NXPH1: variants seen among roughly 807,000 people sequenced by gnomAD.
The protein encoded by NXPH1 is neurexophilin 1.
NXPH1 carries 5 observed loss-of-function variants against 23.7 expected under a neutral mutation model. The observed-to-expected ratio is 0.21, with a 90% CI of 0.11 to 0.44. The LOEUF (loss-of-function observed/expected upper bound fraction) is 0.44. NXPH1 is among the 20% of genes least tolerant of loss of function. The pLI, the probability that NXPH1 is intolerant of heterozygous loss-of-function variation, is 0.99. For synonymous variants in NXPH1, 144 were observed against 122.2 expected (o/e 1.18, Z -1.18); for missense variants, 324 against 321.6 (o/e 1.01, Z -0.06).
chr7:8,621,385 C>G (rs1478864595), intron 2 of NXPH1, among the ~76,000 whole-genome samples: 1 of 151,966 alleles, frequency 6.6e-6, no homozygotes, highest in Non-Finnish European at 1.5e-5. Flanking sequence ...TTAGGGTGAG[C>G]AACAGGATAG....
chr7:8,708,270 T>G (rs1779733687), intron 2 of NXPH1, among the ~76,000 whole-genome samples: 1 of 152,238 alleles, frequency 6.6e-6, no homozygotes, highest in Non-Finnish European at 1.5e-5. Flanking sequence ...CCTTTGCTTA[T>G]CTAGGTGTTC....
At chr7:8,605,093 A>G (rs957844273) in intron 2 of NXPH1, among the ~76,000 whole-genome samples, 3 of 152,146 alleles carry the variant, frequency 2.0e-5, no homozygotes, top group Non-Finnish European at 4.4e-5. Flanking sequence ...AATAACTTCA[A>G]GTGAATTCAT....
chr7:8,639,031 T>C (rs1051354940), intron 2 of NXPH1, among the ~76,000 whole-genome samples: 3 of 152,138 alleles, frequency 2.0e-5, no homozygotes, highest in Admixed American at 1.3e-4. Flanking sequence ...AAATGAAATG[T>C]ATAAAAAGTG....
chr7:8,484,668 T>C (rs952488542), intron 2 of NXPH1, among the ~76,000 whole-genome samples: 1 of 152,178 alleles, frequency 6.6e-6, no homozygotes, highest in African/African-American at 2.4e-5. Context: ...TAAAAAATGA[T>C]GAAAACTCAA....
chr7:8,594,364 T>C (rs1364417371), intron 2 of NXPH1, among the ~76,000 whole-genome samples: 1 of 152,064 alleles, frequency 6.6e-6, no homozygotes, highest in African/African-American at 2.4e-5. Flanking sequence ...TTGTTGACGA[T>C]GGTAAACAGC....
intron 2 of NXPH1, among the ~76,000 whole-genome samples, chr7:8,525,764 C>T (rs542225724): frequency 2.0e-5 from 3 of 152,302 alleles, no homozygotes; most frequent in Non-Finnish European, 4.4e-5. Context: ...CATGTGGGTG[C>T]ACAGAAGTCA....
intron 2 of NXPH1, among the ~76,000 whole-genome samples, chr7:8,747,550 A>T (rs1780491930): frequency 6.6e-6 from 1 of 152,224 alleles, no homozygotes; most frequent in Non-Finnish European, 1.5e-5. Context: ...GCTGAGATAT[A>T]AGCACTAAGC....
intron 2 of NXPH1, among the ~76,000 whole-genome samples, chr7:8,703,141 A>G (rs1327003785): frequency 6.6e-6 from 1 of 152,044 alleles, no homozygotes; most frequent in African/African-American, 2.4e-5. Context: ...GCCTTCCCCA[A>G]ATCAGCCTCA....
At position 8,482,345 on chromosome 7, in the gene NXPH1, A is replaced by G. The variant is rs1023684326; in HGVS notation, c.54+46578A>G. On this transcript the variant is annotated intron_variant, in intron 2 of 2. Transcript: ENST00000405863. ...TCCCTTTCTAACATCCATTTCCCACACAGTCAAGTCTCCTCTAGCCAGGCC... is the reference window on the plus strand; with the variant it reads ...TCCCTTTCTAACATCCATTTCCCACGCAGTCAAGTCTCCTCTAGCCAGGCC... 1.2e-4 allele frequency among the ~76,000 whole-genome samples: 19 copies of G among 152,142 alleles called. No individual in the cohort carries two copies. The East Asian group carries it at 3.5e-3, about 28-fold the overall frequency.
At chr7:8,634,693 T>C (rs796654444) in intron 2 of NXPH1, among the ~76,000 whole-genome samples, 2 of 73,898 alleles carry the variant, frequency 2.7e-5, no homozygotes, top group African/African-American at 1.3e-4. Context: ...TTTTTTTTTT[T>C]TTCCAAAGAG....
At chr7:8,490,410 G>GT (rs576239702) in intron 2 of NXPH1, among the ~76,000 whole-genome samples, 3,600 of 139,532 alleles carry the variant, frequency 0.026, 108 homozygotes, top group African/African-American at 0.074. Flanking sequence ...TACACAGGCT[G>GT]TTTTTTTTTT....
rs529064642 is a variant in NXPH1 at position 8,511,375 on chromosome 7, C to T, written c.54+75608C>T. Among the ~76,000 whole-genome samples, 12 of 152,212 alleles carry T rather than the reference C, an allele frequency of 7.9e-5. No individual in the cohort carries two copies. The South Asian group carries it at 2.5e-3, about 32-fold the overall frequency. ...TTGCATTTCCTTTCTGCATGTGGAA[C>T]CTGTCCTGCCTATGAATGTTGTCCC... On this transcript the variant is annotated intron_variant, in intron 2 of 2. Coordinates refer to ENST00000405863, the MANE Select transcript of NXPH1 (RefSeq NM_152745.3).
At chr7:8,659,684 A>C (rs944050968) in intron 2 of NXPH1, among the ~76,000 whole-genome samples, 14 of 152,232 alleles carry the variant, frequency 9.2e-5, no homozygotes, top group Non-Finnish European at 1.9e-4. Context: ...GTACATATGT[A>C]ACAAACCTGC....
At chr7:8,563,236 C>T (rs1464668892) in intron 2 of NXPH1, among the ~76,000 whole-genome samples, 2 of 151,664 alleles carry the variant, frequency 1.3e-5, no homozygotes, top group Non-Finnish European at 3.0e-5. Context: ...TTCTAGTGTA[C>T]AGCACTACTT....
intron 2 of NXPH1, among the ~76,000 whole-genome samples, chr7:8,728,395 G>A (rs894283730): frequency 2.0e-5 from 3 of 152,154 alleles, no homozygotes; most frequent in Non-Finnish European, 4.4e-5. Flanking sequence ...AGTGGTGAGA[G>A]AGGGCATCCC....
At chr7:8,556,418 G>A (rs1316277447) in intron 2 of NXPH1, among the ~76,000 whole-genome samples, 2 of 151,674 alleles carry the variant, frequency 1.3e-5, no homozygotes, top group Non-Finnish European at 3.0e-5. Flanking sequence ...TGTCAAGTTG[G>A]TTCCGGTTGT....
intron 2 of NXPH1, among the ~76,000 whole-genome samples, chr7:8,519,433 T>C (rs558648487): frequency 1.3e-5 from 2 of 152,304 alleles, no homozygotes; most frequent in Non-Finnish European, 2.9e-5. Flanking sequence ...CTACAGTGTT[T>C]CCCAACATTA....
At chr7:8,717,764 C>T (rs548111591) in intron 2 of NXPH1, among the ~76,000 whole-genome samples, 2 of 152,182 alleles carry the variant, frequency 1.3e-5, no homozygotes, top group African/African-American at 4.8e-5. Context: ...TAATGACAAA[C>T]TTCTTGATCT....
chr7:8,659,050 C>A (rs1820629531), intron 2 of NXPH1, among the ~76,000 whole-genome samples: 1 of 21,296 alleles, frequency 4.7e-5, no homozygotes, highest in Non-Finnish European at 1.7e-4. Context: ...AAGGTGAATG[C>A]CCCAGCAAAT....
Sources: allele counts gnomAD v4.1 joint callset (sites outside exome capture counted in the v4.1 genomes callset), GRCh38; gene constraint gnomAD v4.1.1; transcripts MANE v1.5; gene names NCBI Gene and HGNC (gene_info 2026-07-23, HGNC 2026-07-21).